Variants in C6orf89 observed in about 807,000 individuals in gnomAD.
C6orf89 encodes the protein chromosome 6 open reading frame 89.
A neutral mutation model predicts 40.7 loss-of-function variants in C6orf89; 29 were observed. The ratio of observed to expected loss-of-function variants is 0.71; its 90% CI spans 0.53 to 0.97. C6orf89 has a LOEUF of 0.97. C6orf89 is among the 50% of genes least tolerant of loss of function. The probability of loss-of-function intolerance (pLI) is 0.00; values close to 1 mark genes in which losing one functional copy is unlikely to be tolerated. For synonymous variants in C6orf89, 165 were observed against 152.2 expected, an observed-to-expected ratio of 1.08 and a Z score of -0.62; for missense variants, 392 against 429.1, an observed-to-expected ratio of 0.91 and a Z score of 0.76.
intron 1 of C6orf89, among the ~76,000 whole-genome samples, chr6:36,890,900 G>A (rs75190924): frequency 0.011 from 1,627 of 152,144 alleles, 31 homozygotes; most frequent in African/African-American, 0.034. Flanking sequence ...CTTTTAAATC[G>A]TATTAATCAT....
chr6:36,885,941 C>G (rs367818240), upstream of C6orf89: 26 of 1,226,662 alleles, frequency 2.1e-5, no homozygotes, highest in East Asian at 2.5e-4. Flanking sequence ...CCGGGTCGCG[C>G]TCCCGGAAAC....
At position 36,905,553 on chromosome 6, in the gene C6orf89, C is replaced by T. The variant is rs551045106; in HGVS notation, c.403+3119C>T. Among the ~76,000 whole-genome samples the T allele has an allele frequency of 2.6e-5, 4 of 152,266 alleles. No homozygotes were observed. In the South Asian group the frequency reaches 8.3e-4, roughly 32 times the overall value. ...TCTTAGACATTCAGCCCAGTTCATC[C>T]TCCCTAGTCTGCACCCTGACATTCA... On this transcript the variant is annotated intron_variant, in intron 4 of 8. Coordinates refer to ENST00000480824, the MANE Select transcript of C6orf89 (RefSeq NM_001286635.2).
In C6orf89 at chr6:36,923,391, G is replaced by A. The variant is rs140858920; in HGVS notation, c.994G>A (p.Gly332Arg). 38 of 1,614,170 alleles carry A rather than the reference G, an allele frequency of 2.4e-5. No homozygotes were observed. The East Asian group carries it at 8.5e-4, about 36-fold the overall frequency. ...CTGGAAGGTCTACGTTATAGCCAGAGGGGTCCAGCCTTTGGTCATCTGCGA... is the reference window on the plus strand; with the variant it reads ...CTGGAAGGTCTACGTTATAGCCAGAAGGGTCCAGCCTTTGGTCATCTGCGA... ...THWKVYVIAR[G>R]VQPLVICDGT... The change falls in exon 9 of 9, where the codon GGG becomes AGG. Residue 332 changes from glycine (G) to arginine (R), a missense_variant. By Grantham distance (125) the Gly-to-Arg change is moderately radical. Transcript: ENST00000480824.
rs1013159949 is a variant in C6orf89, at chr6:36,924,572, T to C, written c.*1131T>C. The C allele has an allele frequency of 6.6e-6, 1 of 152,236 alleles. No individual in the cohort carries two copies. Among genetic ancestry groups the C allele is most frequent in the African/African-American group, 2.4e-5 (1 of 41,454 alleles). The allele number at this position is 152,236 out of a possible 1,614,324, so 9.4% of individuals were successfully genotyped here. A position where few individuals can be genotyped will look rare whatever the true frequency, so the allele number is the denominator to read the frequency against. ...GTGTTTCTGATTGGATGATTCACTA[T>C]GTGCATTGTTTTCTCCTAAGTGCTT... On this transcript the variant is annotated 3_prime_UTR_variant, in exon 9 of 9. Coordinates refer to ENST00000480824, the MANE Select transcript of C6orf89 (RefSeq NM_001286635.2).
At chr6:36,890,600 C>T (rs899185090) in intron 1 of C6orf89, among the ~76,000 whole-genome samples, 2 of 152,166 alleles carry the variant, frequency 1.3e-5, no homozygotes, top group Admixed American at 6.5e-5. Flanking sequence ...ATGATGTGAT[C>T]TCTGCTCACT....
chr6:36,882,528 G>A (rs1302013352), upstream of C6orf89, among the ~76,000 whole-genome samples: 2 of 152,234 alleles, frequency 1.3e-5, no homozygotes, highest in East Asian at 1.9e-4. Flanking sequence ...GTTATTAAAC[G>A]TTCTGGAAAA....
chr6:36,872,910 G>C (rs78149087), intron 1 of C6orf89, among the ~76,000 whole-genome samples: 2 of 152,294 alleles, frequency 1.3e-5, no homozygotes, highest in East Asian at 3.9e-4. Flanking sequence ...CACCTGGCCA[G>C]ATGTGAGAAT....
chr6:36,897,129 C>CAAAAAAAAAAAA (rs34191608), intron 2 of C6orf89, among the ~76,000 whole-genome samples: 13 of 85,348 alleles, frequency 1.5e-4, no homozygotes, highest in Non-Finnish European at 2.1e-4. Flanking sequence ...GACTCTGTCT[C>CAAAAAAAAAAAA]AAAAAAAAAA....
upstream of C6orf89, among the ~76,000 whole-genome samples, chr6:36,885,311 T>G (rs528545552): frequency 1.0e-3 from 154 of 152,354 alleles, no homozygotes; most frequent in Non-Finnish European, 1.9e-3. Context: ...TCACTGTTTC[T>G]GTACCTTACT....
intron 8 of C6orf89, among the ~76,000 whole-genome samples, chr6:36,921,785 T>C (rs1444033583): frequency 6.6e-6 from 1 of 151,988 alleles, no homozygotes; most frequent in Non-Finnish European, 1.5e-5. Flanking sequence ...CCCAGCACTT[T>C]GGGAGGCCAA....
At chr6:36,878,826 A>G (rs539720740) in intron 1 of C6orf89, among the ~76,000 whole-genome samples, 25 of 152,242 alleles carry the variant, frequency 1.6e-4, no homozygotes, top group Non-Finnish European at 1.8e-4. Flanking sequence ...CTGTTTCTGT[A>G]CCTCACTTCC....
chr6:36,875,564 CAG>C (rs1251292761), intron 1 of C6orf89, among the ~76,000 whole-genome samples: 2 of 152,246 alleles, frequency 1.3e-5, no homozygotes, highest in Admixed American at 1.3e-4. Flanking sequence ...GCGCGAGGAA[CAG>C]AAGCAAATTA....
intron 4 of C6orf89, among the ~76,000 whole-genome samples, chr6:36,904,261 C>T (rs1178271826): frequency 6.6e-6 from 1 of 152,240 alleles, no homozygotes; most frequent in Non-Finnish European, 1.5e-5. Context: ...ATAGTTTAAA[C>T]ATTCCAGAAA....
At chr6:36,894,995 G>C (rs911461467) in intron 2 of C6orf89, among the ~76,000 whole-genome samples, 1 of 152,152 alleles carries the variant, frequency 6.6e-6, no homozygotes, top group Non-Finnish European at 1.5e-5. Context: ...GGCAAAGCTT[G>C]TCTCCAGGTT....
intron 1 of C6orf89, among the ~76,000 whole-genome samples, chr6:36,876,865 G>A (rs1400534087): frequency 1.3e-5 from 2 of 152,110 alleles, no homozygotes; most frequent in African/African-American, 2.4e-5. Context: ...AAAATAAATT[G>A]GAGTTAGCCA....
chr6:36,913,676 T>TA (rs1319911072), intron 4 of C6orf89, among the ~76,000 whole-genome samples: 3 of 152,260 alleles, frequency 2.0e-5, no homozygotes, highest in Non-Finnish European at 2.9e-5. Flanking sequence ...TCCTAGCTGT[T>TA]ATGCTTTATT....
intron 4 of C6orf89, among the ~76,000 whole-genome samples, chr6:36,907,432 A>G (rs1761970410): frequency 6.6e-6 from 1 of 152,204 alleles, no homozygotes; most frequent in Non-Finnish European, 1.5e-5. Context: ...CTCAGGCACC[A>G]GGAAGCTCCC....
chr6:36,876,738 A>AG (rs1774665580), intron 1 of C6orf89, among the ~76,000 whole-genome samples: 1 of 113,548 alleles, frequency 8.8e-6, no homozygotes, highest in African/African-American at 3.4e-5. Context: ...AAAAAAAAAA[A>AG]AAAGAAGAAG....
At chr6:36,896,612 T>C (rs1761438350) in intron 2 of C6orf89, among the ~76,000 whole-genome samples, 1 of 152,236 alleles carries the variant, frequency 6.6e-6, no homozygotes, top group African/African-American at 2.4e-5. Flanking sequence ...ACAGAATTTT[T>C]GAGGTTTTTC....
Sources: allele counts gnomAD v4.1 joint callset (sites outside exome capture counted in the v4.1 genomes callset), GRCh38; gene constraint gnomAD v4.1.1; transcripts MANE v1.5; gene names NCBI Gene and HGNC (gene_info 2026-07-23, HGNC 2026-07-21).